SYNDIG1: variants seen among roughly 807,000 people sequenced by gnomAD.
The protein encoded by SYNDIG1 is synapse differentiation inducing 1.
Under a neutral mutation model 19.4 loss-of-function variants are expected in SYNDIG1, and 9 were observed. The observed-to-expected ratio is 0.46, with a 90% CI of 0.28 to 0.81. The LOEUF is 0.81. Among genes scored for constraint, SYNDIG1 ranks in the 30% least tolerant of loss-of-function variants. The pLI, the probability that SYNDIG1 is intolerant of heterozygous loss-of-function variation, is 0.12. For missense variants in SYNDIG1, 311 were observed against 343.3 expected (o/e 0.91, Z 0.74); for synonymous variants, 141 against 145.9 (o/e 0.97, Z 0.24).
chr20:24,623,105 G>A (rs1292220857), intron 3 of SYNDIG1, among the ~76,000 whole-genome samples: 1 of 152,004 alleles, frequency 6.6e-6, no homozygotes, highest in Non-Finnish European at 1.5e-5. Flanking sequence ...CTTGAACATA[G>A]GAGTCGGAGG....
chr20:24,632,951 GTT>G (rs538024479), intron 3 of SYNDIG1, among the ~76,000 whole-genome samples: 2 of 122,652 alleles, frequency 1.6e-5, no homozygotes, highest in Non-Finnish European at 1.8e-5. Flanking sequence ...TGTGAAGTTT[GTT>G]TTTTTTTTTT....
At chr20:24,543,859 G>C (rs1337061102) in intron 2 of SYNDIG1, among the ~76,000 whole-genome samples, 1 of 152,168 alleles carries the variant, frequency 6.6e-6, no homozygotes, top group Non-Finnish European at 1.5e-5. Context: ...GGGTTCATCG[G>C]TTTTCCCTGC....
chr20:24,485,763 A>C (rs1375822518), intron 1 of SYNDIG1, among the ~76,000 whole-genome samples: 1 of 152,158 alleles, frequency 6.6e-6, no homozygotes, highest in Non-Finnish European at 1.5e-5. Context: ...TACCTGGAGG[A>C]ATCTGGAAGC....
At chr20:24,607,997 T>A (rs1481709931) in intron 3 of SYNDIG1, among the ~76,000 whole-genome samples, 1 of 152,214 alleles carries the variant, frequency 6.6e-6, no homozygotes, top group Non-Finnish European at 1.5e-5. Context: ...TGAAACAAGA[T>A]GTCAGAGCAC....
intron 1 of SYNDIG1, among the ~76,000 whole-genome samples, chr20:24,541,230 C>T (rs1360647613): frequency 6.6e-6 from 1 of 152,100 alleles, no homozygotes; most frequent in Non-Finnish European, 1.5e-5. Flanking sequence ...TTCTTTATAC[C>T]GTGACAGTCT....
intron 2 of SYNDIG1, among the ~76,000 whole-genome samples, chr20:24,545,330 T>C (rs779942863): frequency 6.6e-6 from 1 of 152,192 alleles, no homozygotes; most frequent in Non-Finnish European, 1.5e-5. Flanking sequence ...GCACTCACGC[T>C]GCAGCTGTGG....
intron 3 of SYNDIG1, among the ~76,000 whole-genome samples, chr20:24,594,516 G>A (rs2058565495): frequency 6.6e-6 from 1 of 152,044 alleles, no homozygotes; most frequent in Non-Finnish European, 1.5e-5. Flanking sequence ...GAGCTCTTTT[G>A]TGGTTCCATG....
intron 2 of SYNDIG1, among the ~76,000 whole-genome samples, chr20:24,563,238 A>C (rs1186061211): frequency 6.6e-6 from 1 of 152,218 alleles, no homozygotes; most frequent in Non-Finnish European, 1.5e-5. Context: ...ATATGTGTCT[A>C]AAGTATATTT....
At chr20:24,580,742 A>C (rs1600675308) in intron 2 of SYNDIG1, among the ~76,000 whole-genome samples, 1 of 152,104 alleles carries the variant, frequency 6.6e-6, no homozygotes, top group Non-Finnish European at 1.5e-5. Flanking sequence ...ATCAAAGTTG[A>C]CAAATTATTT....
At chr20:24,555,191 C>G (rs2057788477) in intron 2 of SYNDIG1, among the ~76,000 whole-genome samples, 1 of 152,116 alleles carries the variant, frequency 6.6e-6, no homozygotes, top group Non-Finnish European at 1.5e-5. Flanking sequence ...TGATTCTTCT[C>G]TCTTTTCTTC....
chr20:24,486,604 C>A (rs2055965204), intron 1 of SYNDIG1, among the ~76,000 whole-genome samples: 1 of 151,048 alleles, frequency 6.6e-6, no homozygotes, highest in Non-Finnish European at 1.5e-5. Flanking sequence ...TCGCTGGAAC[C>A]TGAGAGTCTC....
At chr20:24,539,559 T>C (rs986630354) in intron 1 of SYNDIG1, among the ~76,000 whole-genome samples, 1 of 152,206 alleles carries the variant, frequency 6.6e-6, no homozygotes, top group African/African-American at 2.4e-5. Context: ...AAGTCCAGCC[T>C]GAGCTCCTTG....
At chr20:24,664,031 C>T (rs1039031055) in intron 3 of SYNDIG1, among the ~76,000 whole-genome samples, 1 of 152,110 alleles carries the variant, frequency 6.6e-6, no homozygotes, top group Admixed American at 6.5e-5. Context: ...TCTCTGCTCC[C>T]TCCAGAATTG....
intron 3 of SYNDIG1, among the ~76,000 whole-genome samples, chr20:24,633,172 G>A (rs1188316992): frequency 6.6e-6 from 1 of 152,140 alleles, no homozygotes. Flanking sequence ...AAGCATGCCT[G>A]GAAACTGTCC....
At chr20:24,623,570 G>A (rs1475647571) in intron 3 of SYNDIG1, among the ~76,000 whole-genome samples, 2 of 152,156 alleles carry the variant, frequency 1.3e-5, no homozygotes, top group Non-Finnish European at 2.9e-5. Flanking sequence ...AGTGATGCTG[G>A]CTTTGGTGAT....
intron 3 of SYNDIG1, among the ~76,000 whole-genome samples, chr20:24,613,270 G>A (rs1008830304): frequency 6.6e-6 from 1 of 152,172 alleles, no homozygotes; most frequent in Non-Finnish European, 1.5e-5. Context: ...AGGATGTGGT[G>A]AGGCTGCCAG....
chr20:24,488,152 T>A (rs961627950), intron 1 of SYNDIG1, among the ~76,000 whole-genome samples: 2 of 148,502 alleles, frequency 1.3e-5, no homozygotes, highest in Non-Finnish European at 2.9e-5. Context: ...CATAATACTC[T>A]ATATTTACAC....
chr20:24,513,237 C>G (rs542478914), intron 1 of SYNDIG1, among the ~76,000 whole-genome samples: 1 of 152,230 alleles, frequency 6.6e-6, no homozygotes, highest in African/African-American at 2.4e-5. Flanking sequence ...TTCAAAGGAA[C>G]GCAGCTCCTC....
At chr20:24,493,368 A>G (rs1327498907) in intron 1 of SYNDIG1, among the ~76,000 whole-genome samples, 4 of 152,096 alleles carry the variant, frequency 2.6e-5, no homozygotes. Context: ...ACACGCATGC[A>G]CACACACATG....
Sources: allele counts gnomAD v4.1 joint callset (sites outside exome capture counted in the v4.1 genomes callset), GRCh38; gene constraint gnomAD v4.1.1; transcripts MANE v1.5; gene names NCBI Gene and HGNC (gene_info 2026-07-23, HGNC 2026-07-21).